The following ARHGAP44 variants were observed in gnomAD, a reference collection of about 807,000 sequenced individuals.
ARHGAP44 encodes rho GTPase-activating protein 44.
Under a neutral mutation model 106.8 loss-of-function variants are expected in ARHGAP44, and 43 were observed. The ratio of observed to expected loss-of-function variants is 0.40; its 90% CI spans 0.32 to 0.52. The LOEUF is 0.52. Among genes scored for constraint, ARHGAP44 ranks in the 20% least tolerant of loss-of-function variants. The probability of loss-of-function intolerance (pLI) is 0.48; values close to 1 mark genes in which losing one functional copy is unlikely to be tolerated. For missense variants in ARHGAP44, 866 were observed against 1,050.5 expected, an observed-to-expected ratio of 0.82 and a Z score of 2.43; for synonymous variants, 439 against 410.3, an observed-to-expected ratio of 1.07 and a Z score of -0.85.
chr17:12,903,580 T>C (rs2150932305), intron 3 of ARHGAP44, among the ~76,000 whole-genome samples: 2 of 152,334 alleles, frequency 1.3e-5, no homozygotes, highest in Middle Eastern at 3.4e-3. Flanking sequence ...TAAGACTGGA[T>C]ATCCTTTTAA....
intron 1 of ARHGAP44, among the ~76,000 whole-genome samples, chr17:12,850,226 A>G (rs766140371): frequency 4.1e-4 from 63 of 152,232 alleles, no homozygotes; most frequent in Non-Finnish European, 7.2e-4. Flanking sequence ...GAAGTTGCTC[A>G]GGATTCAACC....
At chr17:12,987,466 C>T (rs1399510214) in intron 20 of ARHGAP44, 10 of 276,934 alleles carry the variant, frequency 3.6e-5, no homozygotes, top group Admixed American at 4.9e-5. Flanking sequence ...CAGGCTTAGA[C>T]CGTGGAGCTG....
At chr17:12,822,729 G>T (rs1431543475) in intron 1 of ARHGAP44, among the ~76,000 whole-genome samples, 1 of 152,154 alleles carries the variant, frequency 6.6e-6, no homozygotes, top group Admixed American at 6.5e-5. Flanking sequence ...TGGTTCTCCT[G>T]GCTGCCCTCC....
intron 12 of ARHGAP44, among the ~76,000 whole-genome samples, chr17:12,951,945 CACTA>C (rs2039001033): frequency 1.3e-5 from 2 of 152,150 alleles, no homozygotes; most frequent in Admixed American, 1.3e-4. Context: ...CAGAGGCCAA[CACTA>C]ACCTTAATAA....
chr17:12,874,909 T>C (rs2036508518), intron 1 of ARHGAP44, among the ~76,000 whole-genome samples: 1 of 140,566 alleles, frequency 7.1e-6, no homozygotes. Flanking sequence ...ACACAGAGTA[T>C]ATCGGGCAGG....
rs151070634 is a variant in ARHGAP44 at position 12,901,120 on chromosome 17, C to T, written c.198+4609C>T. Among the ~76,000 whole-genome samples the T allele has an allele frequency of 8.4e-4, 127 of 152,050 alleles. 1 individual carries two copies. Among genetic ancestry groups the T allele is most frequent in the African/African-American group, 2.8e-3 (118 of 41,462 alleles). On this transcript the variant is annotated intron_variant, in intron 3 of 20. Transcript: ENST00000379672. Reference sequence around the variant, plus strand: ...TGTATTTTTAGTAGAGACAGGGTTTCACCATGTTGGCCAGGCTGGTATCAA... The same window carrying T: ...TGTATTTTTAGTAGAGACAGGGTTTTACCATGTTGGCCAGGCTGGTATCAA...
chr17:12,863,737 A>T (rs1441731992), intron 1 of ARHGAP44, among the ~76,000 whole-genome samples: 1 of 152,200 alleles, frequency 6.6e-6, no homozygotes, highest in East Asian at 1.9e-4. Context: ...AATGGTGGCT[A>T]TTCTTATCTA....
intron 20 of ARHGAP44, among the ~76,000 whole-genome samples, chr17:12,989,770 G>C (rs1166059344): frequency 6.6e-6 from 1 of 152,176 alleles, no homozygotes; most frequent in Admixed American, 6.5e-5. Context: ...GGCTTGGCAG[G>C]GGAGTGCTGT....
intron 1 of ARHGAP44, among the ~76,000 whole-genome samples, chr17:12,804,878 T>C (rs2034226442): frequency 6.6e-6 from 1 of 152,234 alleles, no homozygotes; most frequent in African/African-American, 2.4e-5. Context: ...ACTCAAGAAC[T>C]GTTTGTCAAA....
intron 16 of ARHGAP44, 125 bp from the exon 17 acceptor site, chr17:12,973,177 C>A: frequency 1.1e-6 from 1 of 923,946 alleles, no homozygotes; most frequent in South Asian, 1.7e-5. Flanking sequence ...TTTTATAGCA[C>A]AATAAAAATC....
At chr17:12,914,155 A>G (rs1598045223) in intron 4 of ARHGAP44, among the ~76,000 whole-genome samples, 1 of 152,162 alleles carries the variant, frequency 6.6e-6, no homozygotes, top group East Asian at 1.9e-4. Flanking sequence ...AGGAATATGA[A>G]CAGGCACTTC....
intron 1 of ARHGAP44, among the ~76,000 whole-genome samples, chr17:12,824,752 C>T (rs1291182456): frequency 6.6e-6 from 1 of 151,928 alleles, no homozygotes; most frequent in Non-Finnish European, 1.5e-5. Context: ...ACAGCCTGGC[C>T]TTAATGTACC....
intron 1 of ARHGAP44, among the ~76,000 whole-genome samples, chr17:12,792,301 C>A (rs187647183): frequency 3.5e-4 from 53 of 152,320 alleles, no homozygotes; most frequent in African/African-American, 1.2e-3. Context: ...CATTTCTGGA[C>A]AGCACTCATC....
At chr17:12,807,854 A>T (rs1312636593) in intron 1 of ARHGAP44, among the ~76,000 whole-genome samples, 1 of 152,194 alleles carries the variant, frequency 6.6e-6, no homozygotes, top group Non-Finnish European at 1.5e-5. Context: ...CCACAGTCTA[A>T]AGTCTCATCT....
chr17:12,926,424 A>G (rs2038235507), intron 6 of ARHGAP44, among the ~76,000 whole-genome samples: 1 of 143,110 alleles, frequency 7.0e-6, no homozygotes, highest in South Asian at 2.2e-4. Context: ...ATATATATGT[A>G]TATATAATAT....
At chr17:12,855,909 T>C (rs2035894986) in intron 1 of ARHGAP44, among the ~76,000 whole-genome samples, 1 of 152,168 alleles carries the variant, frequency 6.6e-6, no homozygotes, top group South Asian at 2.1e-4. Flanking sequence ...GATAAAAAAG[T>C]CATGCTTGTG....
At chr17:12,827,628 A>G (rs1409052640) in intron 1 of ARHGAP44, among the ~76,000 whole-genome samples, 1 of 152,038 alleles carries the variant, frequency 6.6e-6, no homozygotes, top group Admixed American at 6.6e-5. Flanking sequence ...TTAATACTTT[A>G]CTCCCTAGAG....
At position 12,974,223 on chromosome 17, in the gene ARHGAP44, C is replaced by CGCT. The variant is rs2143338201; in HGVS notation, c.1679_1681dup (p.Leu560dup). ...GAGCTGGCTGCGCCCCTGCCTTCGC[C>CGCT]GCTGCCGGAGCAGCCCCTGGACAGC... On this transcript the variant is annotated inframe_insertion, in exon 18 of 21. Transcript: ENST00000379672. The CGCT allele has an allele frequency of 6.5e-7, 1 of 1,546,394 alleles. No individual in the cohort carries two copies. The highest frequency in any genetic ancestry group is 2.2e-4 in the Middle Eastern group (1 of 4,580).
chr17:12,812,464 A>T (rs1173974233), intron 1 of ARHGAP44, among the ~76,000 whole-genome samples: 1 of 152,230 alleles, frequency 6.6e-6, no homozygotes, highest in Non-Finnish European at 1.5e-5. Flanking sequence ...AGATGTGTAT[A>T]GAATTTACTC....
Sources: gnomAD v4.1 joint callset for allele counts (sites outside exome capture counted in the v4.1 genomes callset) on GRCh38, gnomAD v4.1.1 for gene constraint, MANE v1.5 for transcripts, NCBI Gene and HGNC (gene_info 2026-07-23, HGNC 2026-07-21) for gene names.